The following CCDC150 variants were observed in gnomAD, a reference collection of about 807,000 sequenced individuals.
CCDC150 encodes coiled-coil domain containing 150.
In CCDC150, 151 loss-of-function variants were observed where a neutral mutation model predicts 156.5. That is an observed-to-expected ratio of 0.97 (90% CI 0.85 to 1.10). The LOEUF is 1.10. Among genes scored for constraint, CCDC150 ranks in the 50% least tolerant of loss-of-function variants. The pLI is 0.00. For missense variants in CCDC150, 1,312 were observed against 1,268.1 expected, an observed-to-expected ratio of 1.03 and a Z score of -0.53; for synonymous variants, 452 against 429.4, an observed-to-expected ratio of 1.05 and a Z score of -0.65.
Position 196,718,567 on chromosome 2 carries a change from C to T in CCDC150, c.1931C>T (p.Ala644Val), listed in dbSNP as rs376621759. Residue 644 changes from alanine to valine, a missense_variant, in exon 18 of 28, where the codon GCC becomes GTC. By Grantham distance (64) the Ala-to-Val change is moderately conservative (BLOSUM62 0). Transcript: ENST00000389175. ...LSRTVKCRNA[A>V]LKESQKLKED... ...CGAACAGTGAAGTGTCGTAATGCGG[C>T]CCTGAAAGAGAGTCAGAAGTTGAAA... 2.1e-5 allele frequency: 34 copies of T among 1,613,590 alleles called. No individual in the cohort carries two copies. Among genetic ancestry groups the T allele is most frequent in the Non-Finnish European group, 2.9e-5 (34 of 1,179,772 alleles).
chr2:196,712,608 C>A, intron 16 of CCDC150, 69 bp from the exon 17 acceptor site: 1 of 1,013,494 alleles, frequency 9.9e-7, no homozygotes, highest in Non-Finnish European at 1.5e-6. Context: ...GAAATGCTTT[C>A]ATAAAGGCAG....
chr2:196,728,728 A>G (rs1373335279), intron 22 of CCDC150, among the ~76,000 whole-genome samples: 4 of 152,244 alleles, frequency 2.6e-5, no homozygotes, highest in Non-Finnish European at 4.4e-5. Context: ...AGCTTATAGC[A>G]TGATAATCAC....
chr2:196,655,036 A>G (rs1432006205), intron 2 of CCDC150, among the ~76,000 whole-genome samples: 2 of 152,226 alleles, frequency 1.3e-5, no homozygotes, highest in Non-Finnish European at 2.9e-5. Flanking sequence ...GATGCAGCTG[A>G]AAATATTAGG....
chr2:196,701,618 T>C (rs1473018784), intron 15 of CCDC150, among the ~76,000 whole-genome samples: 1 of 152,202 alleles, frequency 6.6e-6, no homozygotes, highest in Non-Finnish European at 1.5e-5. Context: ...CTGCAACTGA[T>C]ATAGGTAAGC....
chr2:196,686,696 C>T (rs1003735249), intron 13 of CCDC150, among the ~76,000 whole-genome samples: 6 of 151,750 alleles, frequency 4.0e-5, no homozygotes, highest in Non-Finnish European at 5.9e-5. Context: ...ATGTGTGTTA[C>T]GGGGATTTGT....
chr2:196,679,327 C>T (rs1694683316), intron 13 of CCDC150, among the ~76,000 whole-genome samples: 1 of 152,090 alleles, frequency 6.6e-6, no homozygotes, highest in Non-Finnish European at 1.5e-5. Context: ...ATGCCTTCTT[C>T]CACCTCCTTC....
chr2:196,711,573 T>C (rs896025813), intron 15 of CCDC150, among the ~76,000 whole-genome samples: 4 of 152,220 alleles, frequency 2.6e-5, no homozygotes. Context: ...TCCTCCAAAA[T>C]GATAATTTTC....
rs923595683 is a variant in CCDC150 at position 196,682,637 on chromosome 2, A to C, written c.1509+5276A>C. 3.9e-5 allele frequency among the ~76,000 whole-genome samples: 6 copies of C among 152,098 alleles called. No homozygotes were observed. The East Asian group carries it at 5.8e-4, about 15-fold the overall frequency. On this transcript the variant is annotated intron_variant, in intron 13 of 27. Coordinates refer to ENST00000389175, the MANE Select transcript of CCDC150 (RefSeq NM_001080539.2). ...CACTTAATGTCATCAGTAGGTTCTT[A>C]GGTTTCAATTTCAAGTGAAACGACA...
At chr2:196,645,392 T>C (rs1252966801) in intron 1 of CCDC150, among the ~76,000 whole-genome samples, 4 of 152,124 alleles carry the variant, frequency 2.6e-5, no homozygotes, top group African/African-American at 9.7e-5. Context: ...CCTGATGACA[T>C]AGGAAGTGGG....
chr2:196,728,341 T>C (rs1439194236), intron 22 of CCDC150, among the ~76,000 whole-genome samples: 1 of 152,184 alleles, frequency 6.6e-6, no homozygotes, highest in Non-Finnish European at 1.5e-5. Flanking sequence ...AGTGTAAAGT[T>C]AGGATCTAAA....
chr2:196,667,221 G>T, intron 7 of CCDC150: 5 of 246,228 alleles, frequency 2.0e-5, no homozygotes, highest in South Asian at 6.0e-5. Flanking sequence ...GATGACTTAT[G>T]GATTCTGTCA....
At chr2:196,661,141 A>G (rs983131206) in intron 5 of CCDC150, among the ~76,000 whole-genome samples, 5 of 152,270 alleles carry the variant, frequency 3.3e-5, no homozygotes, top group Middle Eastern at 3.4e-3. Context: ...TAAAGTCTTG[A>G]ATTTTGATTA....
rs141389222 is a variant in CCDC150 at position 196,658,959 on chromosome 2, T to A, written c.645+99T>A. The A allele has an allele frequency of 7.0e-4, 564 of 807,708 alleles. 3 individuals carry two copies. The East Asian group carries it at 0.011, about 15-fold the overall frequency. 50.0% of individuals were successfully genotyped at this position (807,708 alleles called of 1,614,324 possible). A position where few individuals can be genotyped will look rare whatever the true frequency, so the allele number is the denominator to read the frequency against. On this transcript the variant is annotated intron_variant, in intron 5 of 27. Coordinates refer to ENST00000389175, the MANE Select transcript of CCDC150 (RefSeq NM_001080539.2). ...AAAGAAACCTTTGAAGAAGAAAATATGTGACTATGTAGTAGGAAGACTTTA... is the reference window on the plus strand; with the variant it reads ...AAAGAAACCTTTGAAGAAGAAAATAAGTGACTATGTAGTAGGAAGACTTTA...
chr2:196,641,864 G>A (rs1559207919), intron 1 of CCDC150, among the ~76,000 whole-genome samples: 1 of 152,204 alleles, frequency 6.6e-6, no homozygotes. Context: ...GCTTTTGCCA[G>A]TGTACACCTA....
chr2:196,656,945 T>A lies in CCDC150; in HGVS notation c.398-13T>A, dbSNP rs766839293. The stretch of plus-strand genomic sequence containing the variant: ...TTTCTGCTGCTTGATGCCCCTCCTG[T>A]GCGGTCTGGTAGCTTTTCTGAAAGA... On this transcript the variant is annotated splice_polypyrimidine_tract_variant and intron_variant, in intron 3 of 27. Transcript: ENST00000389175. 3 of 1,613,074 alleles carry A rather than the reference T, an allele frequency of 1.9e-6. No homozygotes were observed. The highest frequency in any genetic ancestry group is 2.5e-6 in the Non-Finnish European group (3 of 1,179,404).
chr2:196,715,177 G>C, intron 17 of CCDC150, among the ~76,000 whole-genome samples: 1 of 152,018 alleles, frequency 6.6e-6, no homozygotes, highest in Admixed American at 6.6e-5. Context: ...ATACTGGCTT[G>C]TACACATGAC....
Position 196,712,160 on chromosome 2 carries a change from C to T in CCDC150, c.1711C>T (p.Leu571=). The T allele has an allele frequency of 6.5e-7, 1 of 1,549,798 alleles. No individual in the cohort carries two copies. The highest frequency in any genetic ancestry group is 1.4e-5 in the African/African-American group (1 of 73,438). ...TTTCCTCTAGATAAAAGTTAAACAG[C>T]TAGAAGAACAAGTACAGTCTTTTAC... ...NGKLQIKVKQ[L]EEQVQSFTDT... Residue 571 remains leucine (L), a synonymous_variant, in exon 16 of 28, where the codon CTA becomes TTA. Transcript: ENST00000389175.
chr2:196,681,465 T>G (rs1694815877), intron 13 of CCDC150, among the ~76,000 whole-genome samples: 1 of 152,158 alleles, frequency 6.6e-6, no homozygotes, highest in Non-Finnish European at 1.5e-5. Context: ...TTTCAGTACC[T>G]CTTTTCAATT....
At chr2:196,705,507 C>T (rs1464560376) in intron 15 of CCDC150, among the ~76,000 whole-genome samples, 1 of 152,192 alleles carries the variant, frequency 6.6e-6, no homozygotes, top group Non-Finnish European at 1.5e-5. Context: ...TGCCTGTTCA[C>T]TCTCATGGTA....
Sources: gnomAD v4.1 joint callset for allele counts (sites outside exome capture counted in the v4.1 genomes callset) on GRCh38, gnomAD v4.1.1 for gene constraint, MANE v1.5 for transcripts, NCBI Gene and HGNC (gene_info 2026-07-23, HGNC 2026-07-21) for gene names.